RFC3: variants seen among roughly 807,000 people sequenced by gnomAD.
The protein encoded by RFC3 is A1 38 kDa subunit.
A neutral mutation model predicts 45.1 loss-of-function variants in RFC3; 41 were observed. The observed-to-expected ratio is 0.91, with a 90% CI of 0.71 to 1.18. The LOEUF is 1.18. Among genes scored for constraint, RFC3 ranks in the 50% most tolerant of loss-of-function variants. RFC3 has a pLI of 0.00. For synonymous variants in RFC3, 149 were observed against 144.0 expected (o/e 1.03, Z -0.25); for missense variants, 423 against 428.1 (o/e 0.99, Z 0.10).
At chr13:33,882,115 AACAGATAATTTC>A (rs2137600447) in intron 8 of RFC3, among the ~76,000 whole-genome samples, 1 of 152,376 alleles carries the variant, frequency 6.6e-6, no homozygotes, top group African/African-American at 2.4e-5. Flanking sequence ...ACGAAAGTAG[AACAGATAATTTC>A]TTTGTATCCT....
intron 8 of RFC3, among the ~76,000 whole-genome samples, chr13:33,872,801 C>CCT (rs375861349): frequency 7.0e-6 from 1 of 142,426 alleles, no homozygotes; most frequent in Non-Finnish European, 1.5e-5. Context: ...AACCCCCCCC[C>CCT]CCAAAATACA....
intron 8 of RFC3, among the ~76,000 whole-genome samples, chr13:33,882,236 A>G (rs1321477754): frequency 6.6e-6 from 1 of 152,242 alleles, no homozygotes. Flanking sequence ...GAACTAAACT[A>G]TACACCTAAT....
intron 8 of RFC3, among the ~76,000 whole-genome samples, chr13:33,930,025 A>G (rs1471720971): frequency 6.6e-6 from 1 of 152,058 alleles, no homozygotes; most frequent in East Asian, 1.9e-4. Flanking sequence ...TGTTTTTCCT[A>G]ATCTCTGACT....
intron 1 of RFC3, 116 bp from the exon 2 acceptor site, chr13:33,821,016 T>G: frequency 9.8e-7 from 1 of 1,018,404 alleles, no homozygotes; most frequent in Non-Finnish European, 1.4e-6. Context: ...TATCTACTCA[T>G]GAACTGGGAG....
At position 33,821,165 on chromosome 13, in the gene RFC3, T is replaced by G. The variant is rs1355326481; in HGVS notation, c.121T>G (p.Tyr41Asp). Residue 41 changes from tyrosine to aspartate, a missense_variant, in exon 2 of 9, where the codon TAC becomes GAC. By Grantham distance (160) the Tyr-to-Asp change is radical (BLOSUM62 -3). Coordinates refer to ENST00000380071, the MANE Select transcript of RFC3 (RefSeq NM_002915.4). ...QCGDFPHLLVYGPSGAGKKTR... is the reference protein window; with the variant it reads ...QCGDFPHLLVDGPSGAGKKTR... ...TGGTGACTTTCCTCATCTGTTAGTG[T>G]ACGGACCATCAGGTGCTGGAAAAAA... 4 of 1,613,724 alleles carry G rather than the reference T, an allele frequency of 2.5e-6. No individual in the cohort carries two copies. The South Asian group carries it at 4.4e-5, about 18-fold the overall frequency.
chr13:33,889,538 C>A lies in RFC3; in HGVS notation c.879+54321C>A, dbSNP rs542647404. ...TAGTTGGCATTTTTACCACCTCAAA[C>A]CTTTATTACTTCTTTGTGCTAATGA... On this transcript the variant is annotated intron_variant, in intron 8 of 8. Coordinates refer to the RFC3 transcript ENST00000434425. Among the ~76,000 whole-genome samples, 17 of 152,240 alleles carry A rather than the reference C, an allele frequency of 1.1e-4. 1 individual carries two copies. In the East Asian group the frequency reaches 2.5e-3, roughly 22 times the overall value.
At chr13:33,827,601 A>T (rs1566379693) in intron 4 of RFC3, among the ~76,000 whole-genome samples, 1 of 152,214 alleles carries the variant, frequency 6.6e-6, no homozygotes, top group Non-Finnish European at 1.5e-5. Flanking sequence ...GGGTCATTAA[A>T]AATGTGAACA....
At chr13:33,963,209 C>T (rs2083068111) in intron 8 of RFC3, among the ~76,000 whole-genome samples, 1 of 151,928 alleles carries the variant, frequency 6.6e-6, no homozygotes, top group South Asian at 2.1e-4. Flanking sequence ...AAGTTTGCAA[C>T]AGCTGAGATA....
chr13:33,907,759 G>T (rs7985167), intron 8 of RFC3, among the ~76,000 whole-genome samples: 46,697 of 151,782 alleles, frequency 0.31, 11,516 homozygotes, highest in African/African-American at 0.67. Context: ...TTTAATTTTT[G>T]GTACAGTAAT....
At chr13:33,831,724 C>G (rs1438444772) in intron 7 of RFC3, among the ~76,000 whole-genome samples, 2 of 151,052 alleles carry the variant, frequency 1.3e-5, no homozygotes, top group Admixed American at 6.6e-5. Flanking sequence ...ATCAATGATG[C>G]ATCATGTGCT....
At chr13:33,930,779 G>C (rs1287123644) in intron 8 of RFC3, among the ~76,000 whole-genome samples, 1 of 152,042 alleles carries the variant, frequency 6.6e-6, no homozygotes, top group Non-Finnish European at 1.5e-5. Context: ...TCGATGTAAC[G>C]TACTAATGGT....
intron 8 of RFC3, among the ~76,000 whole-genome samples, chr13:33,855,921 C>G (rs1294814631): frequency 6.6e-6 from 1 of 152,178 alleles, no homozygotes; most frequent in Non-Finnish European, 1.5e-5. Context: ...TCTAGGTTAT[C>G]TGTTTAGTTT....
At chr13:33,960,411 A>G (rs1221258269) in intron 8 of RFC3, among the ~76,000 whole-genome samples, 1 of 152,168 alleles carries the variant, frequency 6.6e-6, no homozygotes, top group African/African-American at 2.4e-5. Flanking sequence ...TCTCCGCAGA[A>G]ACTTGAGCCC....
chr13:33,961,090 A>C (rs1270511751), intron 8 of RFC3, among the ~76,000 whole-genome samples: 1 of 152,268 alleles, frequency 6.6e-6, no homozygotes, highest in African/African-American at 2.4e-5. Context: ...TTATACTTAC[A>C]GTAAAACATT....
At chr13:33,839,930 C>T (rs2082185438), downstream of RFC3, among the ~76,000 whole-genome samples, 1 of 152,080 alleles carries the variant, frequency 6.6e-6, no homozygotes, top group South Asian at 2.1e-4. Flanking sequence ...GTTTTTCTTC[C>T]CCATCTGTGT....
At chr13:33,915,799 T>C (rs1379180439) in intron 8 of RFC3, among the ~76,000 whole-genome samples, 1 of 102,466 alleles carries the variant, frequency 9.8e-6, no homozygotes, top group Non-Finnish European at 1.8e-5. Flanking sequence ...TCTATATTTC[T>C]ATATATATAT....
At chr13:33,878,063 A>G (rs1235031140) in intron 8 of RFC3, among the ~76,000 whole-genome samples, 2 of 151,902 alleles carry the variant, frequency 1.3e-5, no homozygotes, top group South Asian at 4.1e-4. Flanking sequence ...GGCTGTTGTG[A>G]TTATTAGGGG....
At chr13:33,854,610 G>A (rs1369224603) in intron 8 of RFC3, among the ~76,000 whole-genome samples, 2 of 152,126 alleles carry the variant, frequency 1.3e-5, no homozygotes, top group Admixed American at 6.6e-5. Context: ...ACAGATGGTG[G>A]AAATAGCCCC....
chr13:33,829,963 A>G lies in RFC3; in HGVS notation c.519A>G (p.Pro173=), dbSNP rs1204458995. 1.2e-6 allele frequency: 2 copies of G among 1,614,116 alleles called. No individual in the cohort carries two copies. Residue 173 remains proline, a synonymous_variant, in exon 5 of 9, where the codon CCA becomes CCG. Transcript: ENST00000380071. ...GCAATTCTACATCTAAAGTGATCCC[A>G]CCTATTCGTAGTAGGTGCTTGGCGG... ...LCCNSTSKVI[P]PIRSRCLAVR...
Sources: allele counts gnomAD v4.1 joint callset (sites outside exome capture counted in the v4.1 genomes callset), GRCh38; gene constraint gnomAD v4.1.1; transcripts MANE v1.5; gene names NCBI Gene and HGNC (gene_info 2026-07-23, HGNC 2026-07-21).